Variants in CAMTA1 observed in about 807,000 individuals in gnomAD.
CAMTA1 encodes the protein calmodulin-binding transcription activator 1.
In CAMTA1, 27 loss-of-function variants were observed where a neutral mutation model predicts 170.9. The observed-to-expected ratio is 0.16, with a 90% confidence interval of 0.12 to 0.22. The LOEUF (loss-of-function observed/expected upper bound fraction) is 0.22, where lower values mean the gene tolerates loss of function less well. Ranked by LOEUF, CAMTA1 falls within the 10% of genes least tolerant of loss-of-function variation. The pLI, the probability that CAMTA1 is intolerant of heterozygous loss-of-function variation, is 1.00. For missense variants in CAMTA1, 1,619 were observed against 2,217.2 expected (o/e 0.73, Z 5.42); for synonymous variants, 833 against 891.5 (o/e 0.93, Z 1.17).
At chr1:7,393,054 TAA>T (rs34475514) in intron 5 of CAMTA1, among the ~76,000 whole-genome samples, 2 of 145,008 alleles carry the variant, frequency 1.4e-5, no homozygotes, top group African/African-American at 2.6e-5. Flanking sequence ...CTATATCTCT[TAA>T]AAAAAAAAAA....
intron 4 of CAMTA1, among the ~76,000 whole-genome samples, chr1:7,156,624 C>T (rs1646901860): frequency 6.6e-6 from 1 of 152,230 alleles, no homozygotes; most frequent in African/African-American, 2.4e-5. Context: ...GGCCAGTTGC[C>T]TGCAGCTTTG....
At chr1:7,445,134 G>A (rs568657552) in intron 5 of CAMTA1, among the ~76,000 whole-genome samples, 14 of 152,008 alleles carry the variant, frequency 9.2e-5, no homozygotes, top group South Asian at 2.1e-4. Flanking sequence ...GTCTAAGCAG[G>A]TTTTGAGGAT....
At position 7,547,662 on chromosome 1, in the gene CAMTA1, T is replaced by C. The variant is rs1259560968; in HGVS notation, c.510+79761T>C. Among the ~76,000 whole-genome samples the C allele has an allele frequency of 6.6e-6, 1 of 151,662 alleles. No individual in the cohort carries two copies. ...AGCTTTGAATGTGGCCCAACACAAA[T>C]TCATAAACTTTCCTAAAACATTATG... On this transcript the variant is annotated intron_variant, in intron 6 of 22. Coordinates refer to ENST00000303635, the MANE Select transcript of CAMTA1 (RefSeq NM_015215.4). This position sits in a 1 kb window ranked among gnomAD's most constrained non-coding sequence, Gnocchi z 5.7.
intron 6 of CAMTA1, among the ~76,000 whole-genome samples, chr1:7,513,878 C>T (rs548576567): frequency 1.3e-5 from 2 of 152,224 alleles, no homozygotes; most frequent in Admixed American, 6.5e-5. Context: ...GCCAAGATTG[C>T]ACCATTGCAC....
chr1:7,133,232 C>G (rs908238636), intron 4 of CAMTA1, among the ~76,000 whole-genome samples: 1 of 152,112 alleles, frequency 6.6e-6, no homozygotes, highest in Non-Finnish European at 1.5e-5. Flanking sequence ...TTTCTTTGTG[C>G]ACAACTTTTT....
chr1:7,460,424 A>C (rs147066622), intron 5 of CAMTA1, among the ~76,000 whole-genome samples: 11 of 152,104 alleles, frequency 7.2e-5, no homozygotes, highest in Non-Finnish European at 1.3e-4. Context: ...CACGCTCTCT[A>C]TCTCTCTCCT....
At chr1:7,658,752 G>A (rs971292307) in intron 7 of CAMTA1, among the ~76,000 whole-genome samples, 3 of 152,218 alleles carry the variant, frequency 2.0e-5, no homozygotes, top group African/African-American at 7.2e-5. Flanking sequence ...TTTCTTGGTA[G>A]AGGTTTATTT....
intron 3 of CAMTA1, among the ~76,000 whole-genome samples, chr1:6,916,473 C>T (rs1260646660): frequency 6.6e-6 from 1 of 152,234 alleles, no homozygotes; most frequent in Non-Finnish European, 1.5e-5. Flanking sequence ...GGCAGCTTGA[C>T]TTACAGGCCC....
chr1:7,657,384 G>T (rs1181023369), intron 7 of CAMTA1, among the ~76,000 whole-genome samples: 1 of 152,164 alleles, frequency 6.6e-6, no homozygotes, highest in Non-Finnish European at 1.5e-5. Context: ...GTACCGCCCG[G>T]TGAGGTACAG....
At chr1:7,655,133 C>T (rs1191231348) in intron 7 of CAMTA1, among the ~76,000 whole-genome samples, 25 of 145,916 alleles carry the variant, frequency 1.7e-4, no homozygotes, top group African/African-American at 6.4e-4. Context: ...CACCTCTATA[C>T]ACACAAACCC....
intron 5 of CAMTA1, among the ~76,000 whole-genome samples, chr1:7,255,136 A>G (rs61123844): frequency 0.039 from 5,976 of 152,232 alleles, 275 homozygotes; most frequent in East Asian, 0.13. Context: ...TGGGCCTGTC[A>G]GGGAGTCGGG....
Position 7,259,039 on chromosome 1 carries a change from G to C in CAMTA1, c.438+9413G>C, listed in dbSNP as rs569872470. Among the ~76,000 whole-genome samples, 20 of 152,214 alleles carry C rather than the reference G, an allele frequency of 1.3e-4. No homozygotes were observed. The South Asian group carries it at 3.9e-3, about 30-fold the overall frequency. ...GCTGGGGAGAAAAATTTTACCAAAC[G>C]AGTTAAAGAAGGAACGAGCTCCTCA... On this transcript the variant is annotated intron_variant, in intron 5 of 22. Transcript: ENST00000303635.
At chr1:7,454,605 C>T (rs909500932) in intron 5 of CAMTA1, among the ~76,000 whole-genome samples, 13 of 152,176 alleles carry the variant, frequency 8.5e-5, no homozygotes, top group Non-Finnish European at 1.9e-4. Context: ...GCACCCCGAC[C>T]TCCATCCAGG....
At chr1:7,392,025 AG>A (rs1167188774) in intron 5 of CAMTA1, among the ~76,000 whole-genome samples, 1 of 152,208 alleles carries the variant, frequency 6.6e-6, no homozygotes, top group Non-Finnish European at 1.5e-5. Context: ...AAATATATAG[AG>A]GTAAGATTGC....
At chr1:7,119,647 G>GCTTA (rs1263771976) in intron 4 of CAMTA1, among the ~76,000 whole-genome samples, 1 of 152,134 alleles carries the variant, frequency 6.6e-6, no homozygotes, top group Non-Finnish European at 1.5e-5. Flanking sequence ...GAGGAAGAGG[G>GCTTA]CTTAGGAGAG....
intron 5 of CAMTA1, among the ~76,000 whole-genome samples, chr1:7,452,325 C>G (rs905609793): frequency 4.6e-5 from 7 of 152,174 alleles, no homozygotes; most frequent in African/African-American, 1.7e-4. Context: ...ATCCCTGGCC[C>G]TTGTCTGTGC....
At chr1:7,362,351 G>A (rs1209136009) in intron 5 of CAMTA1, among the ~76,000 whole-genome samples, 2 of 152,124 alleles carry the variant, frequency 1.3e-5, no homozygotes, top group Admixed American at 1.3e-4. Context: ...ATTGGACTTG[G>A]GTACAGGTGG....
At chr1:7,124,528 G>A (rs1355445600) in intron 4 of CAMTA1, among the ~76,000 whole-genome samples, 1 of 152,202 alleles carries the variant, frequency 6.6e-6, no homozygotes, top group Non-Finnish European at 1.5e-5. Flanking sequence ...TGCCCTAGAC[G>A]CTTATCCTCT....
intron 4 of CAMTA1, among the ~76,000 whole-genome samples, chr1:7,213,863 T>G: frequency 6.6e-6 from 1 of 152,098 alleles, no homozygotes; most frequent in South Asian, 2.1e-4. Context: ...GCGGTGGTTG[T>G]TTTTTTGTCC....
Sources: gnomAD v4.1 joint callset for allele counts (sites outside exome capture counted in the v4.1 genomes callset) on GRCh38, gnomAD v4.1.1 for gene constraint, Gnocchi (gnomAD v3.1) non-coding constraint, MANE v1.5 for transcripts, NCBI Gene and HGNC (gene_info 2026-07-23, HGNC 2026-07-21) for gene names.